CSNK1G3: variants seen among roughly 807,000 people sequenced by gnomAD.
CSNK1G3 encodes the protein casein kinase 1 gamma 3, also known as casein kinase I isoform gamma-3.
Under a neutral mutation model 64.3 loss-of-function variants are expected in CSNK1G3, and 23 were observed. The ratio of observed to expected loss-of-function variants is 0.36; its 90% CI spans 0.26 to 0.51. The LOEUF is 0.51. Among genes scored for constraint, CSNK1G3 ranks in the 20% least tolerant of loss-of-function variants. The probability of loss-of-function intolerance (pLI) is 0.96; values close to 1 mark genes in which losing one functional copy is unlikely to be tolerated. For synonymous variants in CSNK1G3, 158 were observed against 162.2 expected (o/e 0.97, Z 0.20); for missense variants, 357 against 510.5 (o/e 0.70, Z 2.90).
intron 6 of CSNK1G3, among the ~76,000 whole-genome samples, chr5:123,583,048 T>C (rs7714655): frequency 0.58 from 88,779 of 151,968 alleles, 26,741 homozygotes; most frequent in African/African-American, 0.72. Context: ...GATAGAACCA[T>C]GTAGGCGAGA....
intron 6 of CSNK1G3, among the ~76,000 whole-genome samples, chr5:123,577,439 A>G (rs1029646207): frequency 5.3e-5 from 8 of 152,072 alleles, no homozygotes; most frequent in African/African-American, 1.9e-4. Context: ...ATACGTTAAT[A>G]TCTGTTAAAA....
At chr5:123,589,221 G>A (rs1003419980) in intron 8 of CSNK1G3, among the ~76,000 whole-genome samples, 4 of 152,016 alleles carry the variant, frequency 2.6e-5, no homozygotes, top group African/African-American at 9.7e-5. Context: ...TAATGCTGGC[G>A]TTATTAATGT....
At chr5:123,530,828 C>A (rs574568702) in intron 1 of CSNK1G3, among the ~76,000 whole-genome samples, 1 of 152,094 alleles carries the variant, frequency 6.6e-6, no homozygotes, top group African/African-American at 2.4e-5. Flanking sequence ...AAATTGATAT[C>A]CATTTTTGAC....
chr5:123,586,617 C>A (rs1461499354), intron 6 of CSNK1G3, among the ~76,000 whole-genome samples: 2 of 152,142 alleles, frequency 1.3e-5, no homozygotes, highest in Non-Finnish European at 2.9e-5. Flanking sequence ...GTTGAAATCT[C>A]TTCTCTAGTC....
chr5:123,556,426 T>G (rs1343824856), intron 3 of CSNK1G3, among the ~76,000 whole-genome samples: 1 of 152,076 alleles, frequency 6.6e-6, no homozygotes, highest in Non-Finnish European at 1.5e-5. Context: ...CCATACTAAA[T>G]CTTCTCACTG....
chr5:123,583,221 C>T (rs1434304009), intron 6 of CSNK1G3, among the ~76,000 whole-genome samples: 2 of 152,154 alleles, frequency 1.3e-5, no homozygotes, highest in African/African-American at 2.4e-5. Flanking sequence ...GTTTTTTAAA[C>T]TATATGCATA....
At chr5:123,564,521 G>GTA in intron 4 of CSNK1G3, among the ~76,000 whole-genome samples, 1 of 152,156 alleles carries the variant, frequency 6.6e-6, no homozygotes, top group Middle Eastern at 3.4e-3. Context: ...TTGTAAGCTT[G>GTA]TAGCTTAGGG....
intron 10 of CSNK1G3, among the ~76,000 whole-genome samples, chr5:123,596,756 A>G (rs988773380): frequency 1.3e-5 from 2 of 152,142 alleles, no homozygotes; most frequent in Non-Finnish European, 2.9e-5. Flanking sequence ...GATTAACTTA[A>G]TAGGTTTCTA....
intron 12 of CSNK1G3, among the ~76,000 whole-genome samples, chr5:123,612,757 T>A: frequency 6.6e-6 from 1 of 152,190 alleles, no homozygotes; most frequent in East Asian, 1.9e-4. Context: ...ATTACACGCA[T>A]GAGCCACCCC....
Position 123,614,661 on chromosome 5 carries a change from G to C in CSNK1G3, c.*265G>C, listed in dbSNP as rs1417667718. 5 of 335,140 alleles carry C rather than the reference G, an allele frequency of 1.5e-5. No individual in the cohort carries two copies. In the East Asian group the frequency reaches 2.1e-4, roughly 14 times the overall value. The allele number at this position is 335,140 out of a possible 1,614,324, so 20.8% of individuals were successfully genotyped here. A position where few individuals can be genotyped will look rare whatever the true frequency, so the allele number is the denominator to read the frequency against. On this transcript the variant is annotated 3_prime_UTR_variant, in exon 13 of 13. Transcript: ENST00000345990. The stretch of plus-strand genomic sequence containing the variant: ...GTGAATGGAATGGACCAATGAGGTG[G>C]TATCAATGAATATAGTTCCATAGAA...
In CSNK1G3 at chr5:123,517,862, G is replaced by T. The variant is rs139916779; in HGVS notation, c.-248+5292G>T. ...TAATTGTAATATATTAAAGAAGTCTGCTTCTAAAACATCATCTTTCCTAGT... is the reference window on the plus strand; with the variant it reads ...TAATTGTAATATATTAAAGAAGTCTTCTTCTAAAACATCATCTTTCCTAGT... On this transcript the variant is annotated intron_variant, in intron 1 of 12. Coordinates refer to ENST00000345990, the Ensembl canonical transcript of CSNK1G3. Among the ~76,000 whole-genome samples the T allele has an allele frequency of 3.8e-3, 573 of 150,244 alleles. 3 individuals are homozygous for T. Among genetic ancestry groups the T allele is most frequent in the African/African-American group, 0.013 (527 of 40,798 alleles).
chr5:123,564,983 C>T (rs994511123), intron 4 of CSNK1G3, among the ~76,000 whole-genome samples: 8 of 151,844 alleles, frequency 5.3e-5, no homozygotes, highest in Non-Finnish European at 1.0e-4. Flanking sequence ...TGGGTTGTAG[C>T]TATTGATATT....
chr5:123,590,908 A>G (rs975915942), intron 9 of CSNK1G3, among the ~76,000 whole-genome samples: 14 of 152,018 alleles, frequency 9.2e-5, no homozygotes, highest in African/African-American at 3.4e-4. Context: ...TCAAGTCAAA[A>G]TATTGGAAAT....
At chr5:123,573,603 A>G (rs1443158791) in intron 5 of CSNK1G3, 62 bp downstream of exon 5, 54 of 1,428,412 alleles carry the variant, frequency 3.8e-5, no homozygotes, top group Non-Finnish European at 4.7e-5. Flanking sequence ...TCACAAATTC[A>G]TATTAAAAGT....
At chr5:123,596,073 CTGGG>C (rs1793383594) in intron 10 of CSNK1G3, among the ~76,000 whole-genome samples, 1 of 151,988 alleles carries the variant, frequency 6.6e-6, no homozygotes, top group South Asian at 2.1e-4. Context: ...ATTCTGTACT[CTGGG>C]TGCTATTCTT....
chr5:123,587,347 A>T (rs557923736), intron 6 of CSNK1G3, among the ~76,000 whole-genome samples: 1 of 152,308 alleles, frequency 6.6e-6, no homozygotes, highest in South Asian at 2.1e-4. Flanking sequence ...AACATCAAGA[A>T]ATCTTAAGTA....
At chr5:123,533,332 T>G (rs1054620853) in intron 1 of CSNK1G3, among the ~76,000 whole-genome samples, 3 of 151,924 alleles carry the variant, frequency 2.0e-5, no homozygotes, top group African/African-American at 4.8e-5. Context: ...GACTTTTATC[T>G]TGCATTTTTT....
chr5:123,528,605 A>AT (rs953203713), intron 1 of CSNK1G3, among the ~76,000 whole-genome samples: 55 of 152,076 alleles, frequency 3.6e-4, no homozygotes, highest in Non-Finnish European at 1.5e-4. Flanking sequence ...AATTTCAATT[A>AT]TTTTTTCTTC....
chr5:123,608,727 A>T (rs1239459385), intron 12 of CSNK1G3, among the ~76,000 whole-genome samples: 1 of 152,138 alleles, frequency 6.6e-6, no homozygotes, highest in African/African-American at 2.4e-5. Flanking sequence ...AGTTTTAAAG[A>T]TGTACTAATA....
Sources: gnomAD v4.1 joint callset for allele counts (sites outside exome capture counted in the v4.1 genomes callset) on GRCh38, gnomAD v4.1.1 for gene constraint, MANE v1.5 for transcripts, NCBI Gene and HGNC (gene_info 2026-07-23, HGNC 2026-07-21) for gene names.